The following PRR33 variants were observed in gnomAD, a reference collection of about 807,000 sequenced individuals.
The protein encoded by PRR33 is proline-rich protein 33.
In PRR33, 1 loss-of-function variant was observed where a neutral mutation model predicts 0.5. The observed-to-expected ratio is 2.18, with a 90% CI of 0.77 to 10.34. The LOEUF (loss-of-function observed/expected upper bound fraction) is 10.34, where lower values mean the gene tolerates loss of function less well. PRR33 is among the 30% of genes most tolerant of loss of function. PRR33 has a pLI of 0.13. For missense variants in PRR33, 552 were observed against 251.8 expected (o/e 2.19, Z -8.07); for synonymous variants, 226 against 110.0 (o/e 2.06, Z -6.60).
chr11:1,914,488 T>C, the PRR33 span, among the ~76,000 whole-genome samples: 1 of 151,320 alleles, frequency 6.6e-6, no homozygotes, highest in Admixed American at 6.6e-5. Context: ...TTTGTGTGTG[T>C]GTGTGTGTGT....
chr11:1,913,971 A>C, the PRR33 span, among the ~76,000 whole-genome samples: 1 of 152,252 alleles, frequency 6.6e-6, no homozygotes, highest in Non-Finnish European at 1.5e-5. Flanking sequence ...CTCTGTGCCC[A>C]GCATAGCTGC....
At chr11:1,903,692 C>T in the PRR33 span, among the ~76,000 whole-genome samples, 3 of 152,142 alleles carry the variant, frequency 2.0e-5, no homozygotes, top group Non-Finnish European at 4.4e-5. Context: ...TACGGACATA[C>T]GAGCCAGAAG....
chr11:1,905,628 G>C, the PRR33 span, among the ~76,000 whole-genome samples: 9 of 150,650 alleles, frequency 6.0e-5, no homozygotes, highest in Non-Finnish European at 1.0e-4. Context: ...TGGTAGAGAC[G>C]GGGTTTCTAC....
chr11:1,917,039 C>T, the PRR33 span, among the ~76,000 whole-genome samples: 14 of 152,244 alleles, frequency 9.2e-5, no homozygotes, highest in Admixed American at 3.9e-4. Context: ...ATCTGCAGAA[C>T]GAGTCAATGA....
At chr11:1,908,427 T>C in the PRR33 span, among the ~76,000 whole-genome samples, 4 of 149,400 alleles carry the variant, frequency 2.7e-5, no homozygotes, top group African/African-American at 9.9e-5. Context: ...TCCCTACCCA[T>C]TTTTTTTCTT....
At chr11:1,908,745 T>C in the PRR33 span, among the ~76,000 whole-genome samples, 1 of 152,226 alleles carries the variant, frequency 6.6e-6, no homozygotes, top group South Asian at 2.1e-4. Flanking sequence ...TGGCTCCTCC[T>C]TTCCAGAACT....
upstream of PRR33, chr11:1,892,390 T>C (rs1849037092): frequency 6.6e-6 from 1 of 152,208 alleles, no homozygotes; most frequent in Admixed American, 6.5e-5. Flanking sequence ...GTCTGACCTG[T>C]CTCATGGCCT....
chr11:1,897,155 A>G, the PRR33 span, among the ~76,000 whole-genome samples: 9 of 152,332 alleles, frequency 5.9e-5, no homozygotes, highest in East Asian at 1.7e-3. The surrounding 1 kb of genome is among the most constrained non-coding windows in gnomAD (Gnocchi z 4.0). Context: ...GGTGAGTGGC[A>G]CAAGGGAAGG....
exon 1 of PRR33, chr11:1,890,927 C>T (rs888537343): frequency 7.8e-5 from 20 of 255,428 alleles, no homozygotes; most frequent in Admixed American, 3.4e-4. Context: ...GCCGCAACAC[C>T]GTGTGGGCTG....
chr11:1,896,654 G>A (rs929963429), upstream of PRR33, among the ~76,000 whole-genome samples: 1 of 152,102 alleles, frequency 6.6e-6, no homozygotes, highest in Non-Finnish European at 1.5e-5. Context: ...CTAATTGCAC[G>A]AGCAGGAACC....
chr11:1,889,464 T>C, exon 1 of PRR33: 1 of 633,698 alleles, frequency 1.6e-6, no homozygotes. Context: ...AGGCACCTCC[T>C]GCTCTGTGGG....
chr11:1,917,706 C>A, the PRR33 span, among the ~76,000 whole-genome samples: 1 of 152,232 alleles, frequency 6.6e-6, no homozygotes, highest in Non-Finnish European at 1.5e-5. Context: ...AGGCCCAGCG[C>A]CCGAGGGGGA....
upstream of PRR33, among the ~76,000 whole-genome samples, chr11:1,893,416 G>A (rs1250388352): frequency 2.0e-5 from 3 of 149,278 alleles, no homozygotes; most frequent in African/African-American, 7.4e-5. Context: ...TGGATGGGTG[G>A]GTGGGAGGAT....
chr11:1,889,420 C>T (rs767812225), exon 1 of PRR33: 27 of 672,566 alleles, frequency 4.0e-5, no homozygotes, highest in East Asian at 2.7e-5. Flanking sequence ...GCCCGGGGTG[C>T]GGTGAGGGCG....
upstream of PRR33, among the ~76,000 whole-genome samples, chr11:1,892,922 G>T (rs908470349): frequency 6.6e-6 from 1 of 151,944 alleles, no homozygotes; most frequent in Admixed American, 6.6e-5. Flanking sequence ...GTGGAGGGAT[G>T]GGTGAGTGGA....
At chr11:1,908,877 T>C in the PRR33 span, among the ~76,000 whole-genome samples, 35 of 152,348 alleles carry the variant, frequency 2.3e-4, no homozygotes, top group African/African-American at 6.3e-4. Flanking sequence ...AACGCCTTAG[T>C]GTTCCCCCAG....
the PRR33 span, among the ~76,000 whole-genome samples, chr11:1,904,354 C>G: frequency 7.2e-5 from 11 of 151,946 alleles, no homozygotes; most frequent in African/African-American, 2.7e-4. Context: ...CACGGTGAAA[C>G]CCCGTCTCTA....
chr11:1,895,830 G>A (rs1053777171), upstream of PRR33, among the ~76,000 whole-genome samples: 10 of 152,058 alleles, frequency 6.6e-5, no homozygotes, highest in African/African-American at 2.2e-4. Flanking sequence ...GTTGTGCACC[G>A]AGTCGCCTTT....
chr11:1,911,390 C>T, the PRR33 span, among the ~76,000 whole-genome samples: 4 of 151,878 alleles, frequency 2.6e-5, no homozygotes, highest in Non-Finnish European at 4.4e-5. Flanking sequence ...TGCAGTGAGC[C>T]GAGATTGTGC....
Sources: gnomAD v4.1 joint callset for allele counts (sites outside exome capture counted in the v4.1 genomes callset) on GRCh38, gnomAD v4.1.1 for gene constraint, Gnocchi (gnomAD v3.1) non-coding constraint, MANE v1.5 for transcripts, NCBI Gene and HGNC (gene_info 2026-07-23, HGNC 2026-07-21) for gene names.